The following DAAM1 variants were observed in gnomAD, a reference collection of about 807,000 sequenced individuals.
DAAM1 encodes disheveled-associated activator of morphogenesis 1.
DAAM1 carries 52 observed loss-of-function variants against 130.0 expected under a neutral mutation model. The ratio of observed to expected loss-of-function variants is 0.40; its 90% CI spans 0.32 to 0.50. The LOEUF (loss-of-function observed/expected upper bound fraction) is 0.50, where lower values mean the gene tolerates loss of function less well. Among genes scored for constraint, DAAM1 ranks in the 20% least tolerant of loss-of-function variants. The probability of loss-of-function intolerance (pLI) is 0.61; values close to 1 mark genes in which losing one functional copy is unlikely to be tolerated. For synonymous variants in DAAM1, 452 were observed against 444.5 expected, an observed-to-expected ratio of 1.02 and a Z score of -0.21; for missense variants, 1,134 against 1,303.8, an observed-to-expected ratio of 0.87 and a Z score of 2.01.
intron 3 of DAAM1, among the ~76,000 whole-genome samples, chr14:59,298,681 C>T (rs903091683): frequency 1.3e-5 from 2 of 152,218 alleles, no homozygotes; most frequent in Non-Finnish European, 2.9e-5. Context: ...TTCTCTGCCT[C>T]TGACAGTCAA....
chr14:59,199,796 T>C (rs1211570617), intron 1 of DAAM1, among the ~76,000 whole-genome samples: 1 of 152,198 alleles, frequency 6.6e-6, no homozygotes, highest in East Asian at 1.9e-4. Context: ...GATTGTGCTG[T>C]GCACTGTAGG....
At chr14:59,276,982 A>G (rs749535760) in intron 2 of DAAM1, among the ~76,000 whole-genome samples, 21 of 152,138 alleles carry the variant, frequency 1.4e-4, no homozygotes, top group Admixed American at 6.5e-4. Flanking sequence ...GAGTTAGTTA[A>G]CTCATTAGAA....
intron 22 of DAAM1, 99 bp downstream of exon 22, chr14:59,360,961 C>T (rs1035732528): frequency 6.3e-6 from 6 of 959,648 alleles, no homozygotes; most frequent in East Asian, 5.3e-5. Context: ...GTGGTATGCC[C>T]GGGATAAACA....
chr14:59,279,524 A>G (rs968909123), intron 2 of DAAM1, among the ~76,000 whole-genome samples: 4 of 152,176 alleles, frequency 2.6e-5, no homozygotes, highest in African/African-American at 9.7e-5. Context: ...AGAAGAGACA[A>G]TGCAAAAACA....
At chr14:59,264,382 A>G (rs770824929) in intron 2 of DAAM1, 9 of 152,248 alleles carry the variant, frequency 5.9e-5, no homozygotes, top group Non-Finnish European at 8.8e-5. Context: ...GGGTGCTAGC[A>G]TAGGACTTAG....
intron 15 of DAAM1, among the ~76,000 whole-genome samples, chr14:59,336,715 T>C (rs1885641861): frequency 6.6e-6 from 1 of 152,210 alleles, no homozygotes; most frequent in Admixed American, 6.5e-5. Flanking sequence ...ATTGGAGATC[T>C]TGACCAGCTG....
At chr14:59,357,264 G>A (rs1886519290) in intron 20 of DAAM1, 1 of 152,042 alleles carries the variant, frequency 6.6e-6, no homozygotes, top group African/African-American at 2.4e-5. Flanking sequence ...TTTAAAAAGT[G>A]AAAAAAATAG....
chr14:59,222,704 C>T (rs920742661), intron 1 of DAAM1, among the ~76,000 whole-genome samples: 2 of 152,202 alleles, frequency 1.3e-5, no homozygotes, highest in African/African-American at 4.8e-5. Context: ...CTGAAGGTTA[C>T]TCTTTGGTAA....
At chr14:59,252,048 T>C (rs188386262) in intron 1 of DAAM1, among the ~76,000 whole-genome samples, 1 of 152,328 alleles carries the variant, frequency 6.6e-6, no homozygotes, top group African/African-American at 2.4e-5. Flanking sequence ...TGCCACACTG[T>C]AATTTTCAAC....
At chr14:59,352,959 A>G (rs1886342640) in intron 18 of DAAM1, among the ~76,000 whole-genome samples, 1 of 151,192 alleles carries the variant, frequency 6.6e-6, no homozygotes, top group African/African-American at 2.4e-5. Flanking sequence ...TCATACTTCC[A>G]AGTAGCTTAG....
chr14:59,304,094 C>G (rs967045684), intron 3 of DAAM1, among the ~76,000 whole-genome samples: 1 of 152,112 alleles, frequency 6.6e-6, no homozygotes, highest in African/African-American at 2.4e-5. Flanking sequence ...TCTTGGCTGA[C>G]TCTCCAAATG....
chr14:59,326,468 A>C, intron 10 of DAAM1, 42 bp from the exon 11 acceptor site: 6 of 1,553,512 alleles, frequency 3.9e-6, no homozygotes, highest in Non-Finnish European at 5.2e-6. Context: ...CTAGCTTAGA[A>C]ACAACTTGAA....
intron 1 of DAAM1, among the ~76,000 whole-genome samples, chr14:59,217,174 T>A (rs1239743806): frequency 6.6e-6 from 1 of 152,128 alleles, no homozygotes; most frequent in Non-Finnish European, 1.5e-5. Flanking sequence ...TGGGCCTTTT[T>A]TGTTGCTGAC....
At chr14:59,281,395 G>T (rs1883212175) in intron 2 of DAAM1, among the ~76,000 whole-genome samples, 1 of 152,136 alleles carries the variant, frequency 6.6e-6, no homozygotes, top group Non-Finnish European at 1.5e-5. Flanking sequence ...AGGACGCTTT[G>T]TGCCCCTTCC....
intron 1 of DAAM1, among the ~76,000 whole-genome samples, chr14:59,223,598 A>G (rs1888844798): frequency 6.6e-6 from 1 of 152,178 alleles, no homozygotes. Flanking sequence ...GGAAGCCTGG[A>G]TCTATTGCAG....
rs544077896 is a variant in DAAM1, at chr14:59,279,772, A to G, written c.184-11445A>G. On this transcript the variant is annotated intron_variant, in intron 2 of 24. Transcript: ENST00000360909. ...TTAAAATTTTAAAAAACACGTGGTG[A>G]TCAAAATATTAACAAAATGAGAAGG... Among the ~76,000 whole-genome samples the G allele has an allele frequency of 1.4e-4, 21 of 152,312 alleles. 1 individual carries two copies. The South Asian group carries it at 4.1e-3, about 30-fold the overall frequency.
chr14:59,366,887 C>G (rs1392937726), intron 23 of DAAM1, among the ~76,000 whole-genome samples: 4 of 151,010 alleles, frequency 2.6e-5, no homozygotes, highest in Non-Finnish European at 4.4e-5. Context: ...CCACTAAACT[C>G]CAACCTGGGT....
intron 22 of DAAM1, chr14:59,362,403 A>G (rs1886742825): frequency 6.6e-6 from 1 of 152,198 alleles, no homozygotes; most frequent in African/African-American, 2.4e-5. Context: ...CTTTACACAA[A>G]TTAATTATAT....
rs575670836 is a variant in DAAM1 at position 59,203,830 on chromosome 14, T to A, written c.-38+15062T>A. Among the ~76,000 whole-genome samples the A allele has an allele frequency of 8.5e-5, 13 of 152,366 alleles. No homozygotes were observed. In the East Asian group the frequency reaches 2.5e-3, roughly 29 times the overall value. On this transcript the variant is annotated intron_variant, in intron 1 of 24. Transcript: ENST00000360909. The stretch of plus-strand genomic sequence containing the variant: ...TCATTTGATTATTTTGCAGCATGTT[T>A]CTGCTGTAGAAGTCTTCATATTGTA...
Sources: allele counts gnomAD v4.1 joint callset (sites outside exome capture counted in the v4.1 genomes callset), GRCh38; gene constraint gnomAD v4.1.1; transcripts MANE v1.5; gene names NCBI Gene and HGNC (gene_info 2026-07-23, HGNC 2026-07-21).